Variants in SLX4 observed in about 807,000 individuals in gnomAD.
SLX4 encodes the protein SLX4 structure-specific endonuclease subunit, also known as structure-specific endonuclease subunit SLX4.
A neutral mutation model predicts 146.2 loss-of-function variants in SLX4; 112 were observed. The observed-to-expected ratio is 0.77, with a 90% CI of 0.66 to 0.90. The LOEUF is 0.90. SLX4 is among the 40% of genes least tolerant of loss of function. The pLI is 0.00. For synonymous variants in SLX4, 1,061 were observed against 997.7 expected, an observed-to-expected ratio of 1.06 and a Z score of -1.20; for missense variants, 2,563 against 2,392.7, an observed-to-expected ratio of 1.07 and a Z score of -1.49.
chr16:3,584,976 C>T, intron 12 of SLX4, 105 bp from the exon 13 acceptor site: 2 of 896,320 alleles, frequency 2.2e-6, no homozygotes, highest in Non-Finnish European at 3.8e-6. Flanking sequence ...GAAGATAACC[C>T]AAGCATCGTT....
At position 3,594,500 on chromosome 16, in the gene SLX4, C is replaced by T. The variant is rs749913190; in HGVS notation, c.2113G>A (p.Ala705Thr). The T allele has an allele frequency of 7.4e-6, 12 of 1,614,038 alleles. No homozygotes were observed. Among genetic ancestry groups the T allele is most frequent in the South Asian group, 1.1e-5 (1 of 91,064 alleles). ...FQTDSGEVLY[A>T]HKFVLYARCP... is the part of the protein sequence containing the mutation. ...CGGGCATAAAGCACGAACTTGTGGG[C>T]GTAAAGCACCTCCCCGCTGTCCGTC... is the stretch of plus-strand genomic sequence containing the variant. Residue 705 changes from alanine (A) to threonine (T), a missense_variant, in exon 10 of 15, where the codon GCC becomes ACC. Coordinates refer to ENST00000294008, the MANE Select transcript of SLX4 (RefSeq NM_032444.4).
At chr16:3,593,710 G>A (rs1049980215) in intron 10 of SLX4, among the ~76,000 whole-genome samples, 1 of 152,200 alleles carries the variant, frequency 6.6e-6, no homozygotes, top group Non-Finnish European at 1.5e-5. Flanking sequence ...GACAAAGACT[G>A]AGAATAGCTC....
Position 3,601,053 on chromosome 16 carries a change from G to A in SLX4, c.1089C>T (p.Gly363=), listed in dbSNP as rs2151134043. 6.2e-7 allele frequency: 1 copy of A among 1,614,092 alleles called. No homozygotes were observed. The highest frequency in any genetic ancestry group is 8.5e-7 in the Non-Finnish European group (1 of 1,180,020). Reference sequence around the variant, plus strand: ...GCACAGCCTGAAGCAGGAGCTGGGGGCCAACCTCCATCTTCACAGCACACT... The same window carrying A: ...GCACAGCCTGAAGCAGGAGCTGGGGACCAACCTCCATCTTCACAGCACACT... ...LKQCAVKMEV[G]PQLLLQAVRL... is the part of the protein sequence containing the mutation. Residue 363 remains glycine (G), a synonymous_variant, in exon 5 of 15, where the codon GGC becomes GGT. Transcript: ENST00000294008.
intron 4 of SLX4, chr16:3,601,601 A>C: frequency 3.1e-6 from 1 of 325,932 alleles, no homozygotes. Context: ...TCATCTAAGA[A>C]TGGGAAAAAC....
chr16:3,592,980 G>C (rs200081414), intron 10 of SLX4, 115 bp from the exon 11 acceptor site: 1 of 1,100,600 alleles, frequency 9.1e-7, no homozygotes, highest in Non-Finnish European at 1.3e-6. Flanking sequence ...TCTTTTTAGA[G>C]ACAGTGTCTC....
Position 3,597,983 on chromosome 16 carries a change from T to C in SLX4, c.1180A>G (p.Arg394Gly), listed in dbSNP as rs2040685607. The C allele has an allele frequency of 2.5e-6, 4 of 1,614,176 alleles. No homozygotes were observed. Among genetic ancestry groups the C allele is most frequent in the Non-Finnish European group, 3.4e-6 (4 of 1,180,034 alleles). ...GTGGGTCCTCTCCGTTTCAGACCTCTACTGTGATCACTGAAGCTAGAAAAC... is the reference window on the plus strand; with the variant it reads ...GTGGGTCCTCTCCGTTTCAGACCTCCACTGTGATCACTGAAGCTAGAAAAC... ...PPMFSFSDHS[R>G]GLKRRGPTSK... Residue 394 changes from arginine to glycine, a missense_variant, in exon 6 of 15, where the codon AGA becomes GGA. Transcript: ENST00000294008. The surrounding 1 kb of genome is among the most constrained non-coding windows in gnomAD (Gnocchi z 4.4).
In SLX4 at chr16:3,597,639, C is replaced by T. The variant is rs1596527651; in HGVS notation, c.1423G>A (p.Asp475Asn). The part of the protein sequence containing the change: ...PVSPPLLLVQ[D>N]SETTGRQIED... ...ATCTGTCGGCCTGTGGTTTCAGAGT[C>T]CTGGACTAACAACAATGGGGGGGAT... Residue 475 changes from aspartate to asparagine, a missense_variant, in exon 7 of 15, where the codon GAC (aspartate) becomes AAC (asparagine). Asp to Asn is a conservative substitution (Grantham distance 23). Coordinates refer to ENST00000294008, the MANE Select transcript of SLX4 (RefSeq NM_032444.4). The surrounding 1 kb of genome is among the most constrained non-coding windows in gnomAD (Gnocchi z 4.4). 1 of 1,614,048 alleles carries T rather than the reference C, an allele frequency of 6.2e-7. No individual in the cohort carries two copies. The highest frequency in any genetic ancestry group is 1.1e-5 in the South Asian group (1 of 91,074).
rs976512848 is a variant in SLX4 at position 3,591,240 on chromosome 16, A to G, written c.2398T>C (p.Trp800Arg). ...PIATDSEGKP[W>R]EEKEAENCES... Reference sequence around the variant, plus strand: ...CAATTCTCTGCTTCCTTCTCCTCCCATGGTTTGCCCTCTGAGTCAGTGGCA... The same window carrying G: ...CAATTCTCTGCTTCCTTCTCCTCCCGTGGTTTGCCCTCTGAGTCAGTGGCA... Residue 800 changes from tryptophan to arginine, a missense_variant, in exon 12 of 15, where the codon TGG (tryptophan) becomes CGG (arginine). Coordinates refer to ENST00000294008, the MANE Select transcript of SLX4 (RefSeq NM_032444.4). 11 of 1,613,248 alleles carry G rather than the reference A, an allele frequency of 6.8e-6. No homozygotes were observed. The South Asian group carries it at 8.8e-5, about 13-fold the overall frequency.
In SLX4 at chr16:3,582,043, A is replaced by G. The variant is rs2040441705; in HGVS notation, c.*299T>C. ...AGGTGACACAGCACGACTGTCTCAAAAAGAAAAAAAAAAAGAAAACCAAAA... is the reference window on the plus strand; with the variant it reads ...AGGTGACACAGCACGACTGTCTCAAGAAGAAAAAAAAAAAGAAAACCAAAA... On this transcript the variant is annotated 3_prime_UTR_variant, in exon 15 of 15. Transcript: ENST00000294008. The G allele has an allele frequency of 2.1e-6, 1 of 477,094 alleles. No homozygotes were observed. Among genetic ancestry groups the G allele is most frequent in the Non-Finnish European group, 3.8e-6 (1 of 262,948 alleles). The allele number at this position is 477,094 out of a possible 1,614,324, so 29.6% of individuals were successfully genotyped here.
In SLX4 at chr16:3,590,084, C is replaced by A. The variant is rs767969028; in HGVS notation, c.3554G>T (p.Ser1185Ile). ...PLEEKKALEI[S>I]PRSCELFSII... ...GGAAAACAGCTCACAGGACCTAGGG[C>A]TAATTTCTAGAGCTTTCTTTTCTTC... Residue 1185 changes from serine (S) to isoleucine (I), a missense_variant, in exon 12 of 15, where the codon AGC becomes ATC. By Grantham distance (142) the Ser-to-Ile change is moderately radical (BLOSUM62 -2). Transcript: ENST00000294008. The surrounding 1 kb of genome is among the most constrained non-coding windows in gnomAD (Gnocchi z 4.8). 3.1e-6 allele frequency: 5 copies of A among 1,614,202 alleles called. No homozygotes were observed. Among genetic ancestry groups the A allele is most frequent in the Non-Finnish European group, 4.2e-6 (5 of 1,180,048 alleles).
At position 3,608,721 on chromosome 16, in the gene SLX4, T is replaced by C. The variant is rs202237877; in HGVS notation, c.244A>G (p.Asn82Asp). The change falls in exon 2 of 15, where the codon AAC (asparagine) becomes GAC (aspartate). Residue 82 changes from asparagine to aspartate, a missense_variant. Transcript: ENST00000294008. The stretch of plus-strand genomic sequence containing the variant: ...AATTTGCTTCTTATCTGAGTGCCGT[T>C]TGAGGCAGCCTTTTGTGTCTTCCTT... ...GERKTQKAASNGTQIRSKLKR... is the reference protein window; with the variant it reads ...GERKTQKAASDGTQIRSKLKR... 2.7e-5 allele frequency: 44 copies of C among 1,614,114 alleles called. No individual in the cohort carries two copies. The highest frequency in any genetic ancestry group is 3.3e-5 in the South Asian group (3 of 91,090).
chr16:3,581,943 TGAGGCAG>T lies in SLX4; in HGVS notation c.*392_*398del, dbSNP rs1372467419. 1 of 251,834 alleles carries T rather than the reference TGAGGCAG, an allele frequency of 4.0e-6. No homozygotes were observed. Among genetic ancestry groups the T allele is most frequent in the East Asian group, 6.4e-5 (1 of 15,588 alleles). 15.6% of individuals were successfully genotyped at this position (251,834 alleles called of 1,614,324 possible). On this transcript the variant is annotated 3_prime_UTR_variant, in exon 15 of 15. Coordinates refer to ENST00000294008, the MANE Select transcript of SLX4 (RefSeq NM_032444.4). ...CTGTAGTCCCAGCTATCTGGGAGGC[TGAGGCAG>T]GAGAATTGCTTGAACCCGGGAGGCG...
chr16:3,600,835 A>T (rs777489402), intron 5 of SLX4, 144 bp downstream of exon 5: 110 of 793,508 alleles, frequency 1.4e-4, no homozygotes, highest in Non-Finnish European at 2.1e-4. Context: ...ATCTAAGGTG[A>T]TCTGCCCACC....
At chr16:3,599,869 A>C (rs767741456) in intron 5 of SLX4, among the ~76,000 whole-genome samples, 6 of 152,210 alleles carry the variant, frequency 3.9e-5, no homozygotes, top group Non-Finnish European at 8.8e-5. Context: ...TACAGGTGTA[A>C]GCTACCGTGC....
Position 3,598,008 on chromosome 16 carries a change from C to T in SLX4, c.1164-9G>A, listed in dbSNP as rs2040686112. The stretch of plus-strand genomic sequence containing the variant: ...TACTGTGATCACTGAAGCTAGAAAA[C>T]AGCCAAAGAGAAAAGTTACTGGGGC... On this transcript the variant is annotated splice_polypyrimidine_tract_variant and intron_variant, in intron 5 of 14. Coordinates refer to ENST00000294008, the MANE Select transcript of SLX4 (RefSeq NM_032444.4). The T allele has an allele frequency of 1.2e-6, 2 of 1,614,142 alleles. No individual in the cohort carries two copies. Among genetic ancestry groups the T allele is most frequent in the Middle Eastern group, 1.6e-4 (1 of 6,062 alleles).
At position 3,606,623 on chromosome 16, in the gene SLX4, C is replaced by A. The variant is rs1410797507; in HGVS notation, c.611G>T (p.Arg204Leu). 3 of 1,614,124 alleles carry A rather than the reference C, an allele frequency of 1.9e-6. 1 individual carries two copies. The highest frequency in any genetic ancestry group is 3.3e-4 in the Middle Eastern group (2 of 6,062). ...TTAVPSPSKP[R>L]TAQLVLQRMQ... ...TCGCTGTAGGACCAATTGTGCTGTG[C>A]GGGGTTTGGAGGGACTTGGCACTGC... The change falls in exon 3 of 15, where the codon CGC becomes CTC. Residue 204 changes from arginine (R) to leucine (L), a missense_variant. Arg to Leu is a moderately radical substitution (Grantham distance 102). Coordinates refer to ENST00000294008, the MANE Select transcript of SLX4 (RefSeq NM_032444.4).
At chr16:3,608,036 T>C (rs2040806456) in intron 2 of SLX4, among the ~76,000 whole-genome samples, 1 of 152,036 alleles carries the variant, frequency 6.6e-6, no homozygotes, top group Non-Finnish European at 1.5e-5. Flanking sequence ...AAACCAGGAG[T>C]CAGCCGGGCG....
chr16:3,583,660 G>T, intron 13 of SLX4, 150 bp from the exon 14 acceptor site: 1 of 847,050 alleles, frequency 1.2e-6, no homozygotes, highest in Non-Finnish European at 1.9e-6. Context: ...AGCATCAGAG[G>T]TTAGTGTCTA....
At chr16:3,583,005 G>C (rs866785394) in intron 14 of SLX4, 92 bp downstream of exon 14, 4 of 1,506,138 alleles carry the variant, frequency 2.7e-6, no homozygotes, top group Middle Eastern at 3.4e-4. Flanking sequence ...GGTTTTTGAA[G>C]ATTGGCCATT....
Sources: allele counts gnomAD v4.1 joint callset (sites outside exome capture counted in the v4.1 genomes callset), GRCh38; gene constraint gnomAD v4.1.1; non-coding constraint Gnocchi (gnomAD v3.1); transcripts MANE v1.5; gene names NCBI Gene and HGNC (gene_info 2026-07-23, HGNC 2026-07-21).